Variants in SBF2 observed in about 807,000 individuals in gnomAD.
SBF2 encodes the protein SET binding factor 2, also known as myotubularin-related protein 13.
SBF2 carries 112 observed loss-of-function variants against 225.2 expected under a neutral mutation model. The observed-to-expected ratio is 0.50, with a 90% CI of 0.43 to 0.58. The LOEUF is 0.58. SBF2 is among the 20% of genes least tolerant of loss of function. The probability of loss-of-function intolerance (pLI) is 0.00; values close to 1 mark genes in which losing one functional copy is unlikely to be tolerated. For synonymous variants in SBF2, 763 were observed against 773.3 expected, an observed-to-expected ratio of 0.99 and a Z score of 0.22; for missense variants, 1,996 against 2,206.2, an observed-to-expected ratio of 0.90 and a Z score of 1.91.
chr11:10,069,536 C>T (rs1018229675), intron 2 of SBF2, among the ~76,000 whole-genome samples: 2 of 152,140 alleles, frequency 1.3e-5, no homozygotes, highest in Non-Finnish European at 2.9e-5. Context: ...ATATGTGCCA[C>T]ATTTTCTTTA....
At chr11:9,983,461 G>C (rs1178813813) in intron 13 of SBF2, among the ~76,000 whole-genome samples, 1 of 152,154 alleles carries the variant, frequency 6.6e-6, no homozygotes, top group Non-Finnish European at 1.5e-5. Flanking sequence ...GACAGGCCTA[G>C]CTCCTTCCCA....
At chr11:10,255,157 A>G (rs991232702) in intron 1 of SBF2, among the ~76,000 whole-genome samples, 6 of 152,058 alleles carry the variant, frequency 3.9e-5, no homozygotes, top group African/African-American at 1.2e-4. Context: ...AAAGTTCAAG[A>G]GAACTATTGT....
At chr11:9,801,684 T>C (rs1051068679) in intron 32 of SBF2, among the ~76,000 whole-genome samples, 9 of 152,268 alleles carry the variant, frequency 5.9e-5, no homozygotes, top group Non-Finnish European at 1.3e-4. Flanking sequence ...CCTTAAATAT[T>C]AAGCTTTGAT....
At chr11:9,895,824 C>T (rs1861207783) in intron 17 of SBF2, 119 bp downstream of exon 17, 1 of 766,212 alleles carries the variant, frequency 1.3e-6, no homozygotes, top group Admixed American at 1.8e-5. Context: ...AATATAACCG[C>T]AGATATATCT....
chr11:10,042,130 C>G (rs534904613), intron 3 of SBF2, among the ~76,000 whole-genome samples: 15 of 152,094 alleles, frequency 9.9e-5, no homozygotes, highest in Non-Finnish European at 2.2e-4. Context: ...CTGATATATA[C>G]CCAGCATTGT....
At chr11:10,300,634 T>G (rs1964587926) in intron 1 of SBF2, among the ~76,000 whole-genome samples, 1 of 152,102 alleles carries the variant, frequency 6.6e-6, no homozygotes, top group African/African-American at 2.4e-5. Context: ...ATTAACACCA[T>G]TCTCTTTGGC....
intron 16 of SBF2, among the ~76,000 whole-genome samples, chr11:9,941,827 T>G (rs1565037351): frequency 6.6e-6 from 1 of 151,712 alleles, no homozygotes; most frequent in African/African-American, 2.4e-5. Context: ...GAAAGTGAGG[T>G]AAAAACCATT....
chr11:9,992,599 T>G, intron 11 of SBF2, 56 bp from the exon 12 acceptor site: 3 of 1,535,868 alleles, frequency 2.0e-6, no homozygotes, highest in Non-Finnish European at 1.8e-6. Context: ...GGACAAATGG[T>G]CAAAACAGAA....
intron 16 of SBF2, among the ~76,000 whole-genome samples, chr11:9,911,013 C>T (rs890818919): frequency 3.4e-4 from 51 of 148,812 alleles, no homozygotes; most frequent in African/African-American, 1.1e-3. Flanking sequence ...GAGCTGAGAT[C>T]GCCCCACTGC....
chr11:9,824,081 T>A, intron 28 of SBF2, among the ~76,000 whole-genome samples: 1 of 152,216 alleles, frequency 6.6e-6, no homozygotes, highest in South Asian at 2.1e-4. Flanking sequence ...GCCTCAGATA[T>A]GCACATAGTG....
chr11:9,952,082 G>A (rs749881876), intron 16 of SBF2, among the ~76,000 whole-genome samples: 1 of 152,212 alleles, frequency 6.6e-6, no homozygotes, highest in Non-Finnish European at 1.5e-5. Flanking sequence ...CTCTTGCCTG[G>A]AAGGCAGGCT....
chr11:10,258,032 A>C (rs1054889330), intron 1 of SBF2, among the ~76,000 whole-genome samples: 1 of 151,904 alleles, frequency 6.6e-6, no homozygotes, highest in Non-Finnish European at 1.5e-5. Context: ...AGAATTTTTA[A>C]CATGCCAATC....
At chr11:10,139,846 T>C (rs1954559982) in intron 2 of SBF2, among the ~76,000 whole-genome samples, 1 of 152,182 alleles carries the variant, frequency 6.6e-6, no homozygotes, top group Admixed American at 6.5e-5. Flanking sequence ...TCCATCTACA[T>C]TCCTGTGTGG....
intron 17 of SBF2, among the ~76,000 whole-genome samples, chr11:9,859,958 G>T (rs757733084): frequency 3.9e-5 from 6 of 152,204 alleles, no homozygotes; most frequent in Non-Finnish European, 8.8e-5. Context: ...GTAAGTTGTG[G>T]CTATGAAGCA....
chr11:9,981,437 C>A (rs1565091380), intron 13 of SBF2, among the ~76,000 whole-genome samples: 1 of 152,172 alleles, frequency 6.6e-6, no homozygotes, highest in East Asian at 1.9e-4. Flanking sequence ...TGCACATGTG[C>A]CCCTTAATCT....
chr11:9,933,895 A>G (rs752172674), intron 16 of SBF2, among the ~76,000 whole-genome samples: 1 of 152,154 alleles, frequency 6.6e-6, no homozygotes, highest in Non-Finnish European at 1.5e-5. Flanking sequence ...AAAGATCAAC[A>G]AAATTGATAG....
chr11:10,196,866 A>ATATGTATTTTTT, intron 1 of SBF2, among the ~76,000 whole-genome samples: 1 of 99,314 alleles, frequency 1.0e-5, no homozygotes, highest in African/African-American at 4.0e-5. Context: ...ATATATATAT[A>ATATGTATTTTTT]TTTTTTTTTT....
chr11:10,267,208 A>T (rs992931022), intron 1 of SBF2, among the ~76,000 whole-genome samples: 4 of 152,194 alleles, frequency 2.6e-5, no homozygotes, highest in African/African-American at 9.7e-5. Flanking sequence ...GATGGAGCTG[A>T]GATGCTAAGT....
At chr11:10,195,624 A>C (rs1036195272) in intron 1 of SBF2, among the ~76,000 whole-genome samples, 1 of 152,142 alleles carries the variant, frequency 6.6e-6, no homozygotes, top group East Asian at 1.9e-4. Flanking sequence ...CTATGAATGC[A>C]ACTTCTCCCT....
Sources: gnomAD v4.1 joint callset for allele counts (sites outside exome capture counted in the v4.1 genomes callset) on GRCh38, gnomAD v4.1.1 for gene constraint, MANE v1.5 for transcripts, NCBI Gene and HGNC (gene_info 2026-07-23, HGNC 2026-07-21) for gene names.